GALK2: variants seen among roughly 807,000 people sequenced by gnomAD.
GALK2 encodes galactokinase 2.
A neutral mutation model predicts 52.4 loss-of-function variants in GALK2; 36 were observed. That is an observed-to-expected ratio of 0.69 (90% CI 0.53 to 0.91). The LOEUF (loss-of-function observed/expected upper bound fraction) is 0.91. Ranked by LOEUF, GALK2 falls within the 40% of genes least tolerant of loss-of-function variation. The pLI, the probability that GALK2 is intolerant of heterozygous loss-of-function variation, is 0.00. For missense variants in GALK2, 579 were observed against 559.1 expected, an observed-to-expected ratio of 1.04 and a Z score of -0.36; for synonymous variants, 176 against 199.1, an observed-to-expected ratio of 0.88 and a Z score of 0.98.
downstream of GALK2, among the ~76,000 whole-genome samples, chr15:49,333,569 A>G (rs1038430789): frequency 6.6e-6 from 1 of 152,208 alleles, no homozygotes; most frequent in Non-Finnish European, 1.5e-5. Context: ...AAGCTGGGTG[A>G]TAAAGTTTTT....
intron 5 of GALK2, among the ~76,000 whole-genome samples, chr15:49,276,660 C>T (rs981904557): frequency 3.9e-5 from 6 of 152,210 alleles, no homozygotes; most frequent in African/African-American, 1.2e-4. Context: ...AATAGACTCA[C>T]TCACATGTCT....
chr15:49,317,690 A>C (rs1327993649), intron 8 of GALK2, among the ~76,000 whole-genome samples: 2 of 152,246 alleles, frequency 1.3e-5, no homozygotes, highest in East Asian at 3.8e-4. Flanking sequence ...TTGGATAAAG[A>C]AAATGTGGCA....
chr15:49,163,868 C>A (rs72727230), intron 1 of GALK2, among the ~76,000 whole-genome samples: 13 of 152,250 alleles, frequency 8.5e-5, no homozygotes, highest in Non-Finnish European at 1.5e-4. Context: ...TCTTCACAGG[C>A]CTTGGCTGAG....
chr15:49,270,841 G>C (rs1349097968), intron 5 of GALK2, among the ~76,000 whole-genome samples: 3 of 152,104 alleles, frequency 2.0e-5, no homozygotes, highest in African/African-American at 7.2e-5. Flanking sequence ...ATTATGCTAG[G>C]GAAAGAAATA....
At chr15:49,303,179 C>T (rs989654263) in intron 8 of GALK2, among the ~76,000 whole-genome samples, 2 of 152,136 alleles carry the variant, frequency 1.3e-5, no homozygotes, top group Non-Finnish European at 2.9e-5. Flanking sequence ...TACCTGATAT[C>T]GCAGATAACC....
intron 5 of GALK2, among the ~76,000 whole-genome samples, chr15:49,276,491 C>T (rs1003851506): frequency 3.9e-5 from 6 of 152,310 alleles, no homozygotes; most frequent in Non-Finnish European, 7.3e-5. Context: ...TTGATAGCTA[C>T]TCCTTATTCT....
Position 49,331,741 on chromosome 15 carries a change from G to A in GALK2, c.*3582G>A. 8.1e-7 allele frequency: 1 copy of A among 1,240,030 alleles called. No homozygotes were observed. The highest frequency in any genetic ancestry group is 1.2e-6 in the Non-Finnish European group (1 of 839,712). The allele number at this position is 1,240,030 out of a possible 1,614,324, so 76.8% of individuals were successfully genotyped here. On this transcript the variant is annotated 3_prime_UTR_variant, in exon 10 of 10. Coordinates refer to ENST00000560031, the MANE Select transcript of GALK2 (RefSeq NM_002044.4). Reference sequence around the variant, plus strand: ...TGTCCAGTCTATATAAAAGAAGCTAGAGAGAGAATTCTCAATTATTTTCAG... The same window carrying A: ...TGTCCAGTCTATATAAAAGAAGCTAAAGAGAGAATTCTCAATTATTTTCAG...
intron 3 of GALK2, among the ~76,000 whole-genome samples, chr15:49,351,163 T>G (rs756934429): frequency 8.5e-5 from 13 of 152,206 alleles, no homozygotes; most frequent in Non-Finnish European, 1.5e-4. Context: ...ATTCAGGTAG[T>G]AGAGAAATAA....
At chr15:49,201,774 A>G (rs2087796352) in intron 2 of GALK2, among the ~76,000 whole-genome samples, 1 of 152,186 alleles carries the variant, frequency 6.6e-6, no homozygotes, top group Non-Finnish European at 1.5e-5. Flanking sequence ...CAATGTCCCT[A>G]TATATAATAA....
chr15:49,176,930 C>T (rs749546422), intron 1 of GALK2, among the ~76,000 whole-genome samples: 2 of 152,110 alleles, frequency 1.3e-5, no homozygotes, highest in Non-Finnish European at 2.9e-5. Flanking sequence ...AAGGTCCAAC[C>T]AACTTGTTGT....
chr15:49,190,042 TTC>T (rs1167401000), intron 1 of GALK2, among the ~76,000 whole-genome samples: 1 of 152,184 alleles, frequency 6.6e-6, no homozygotes, highest in Admixed American at 6.5e-5. Context: ...TCCTCAGCCT[TTC>T]TATGTGTTTT....
chr15:49,362,422 GA>G (rs2044400831), intron 3 of GALK2, among the ~76,000 whole-genome samples: 1 of 152,162 alleles, frequency 6.6e-6, no homozygotes, highest in African/African-American at 2.4e-5. Flanking sequence ...GCAGAACTGT[GA>G]GTCAGTTAAA....
intron 1 of GALK2, among the ~76,000 whole-genome samples, chr15:49,171,103 A>T (rs2085061765): frequency 9.6e-6 from 1 of 104,144 alleles, no homozygotes; most frequent in Non-Finnish European, 1.9e-5. Flanking sequence ...TTTTTTTGAG[A>T]CGGAGTTTTG....
intron 3 of GALK2, chr15:49,365,842 C>A: frequency 1.1e-6 from 1 of 887,018 alleles, no homozygotes; most frequent in South Asian, 1.3e-5. Context: ...GCTTTTGCCG[C>A]GACACTCAAT....
chr15:49,340,410 CCCT>C (rs2040521911), intron 3 of GALK2, among the ~76,000 whole-genome samples: 1 of 125,474 alleles, frequency 8.0e-6, no homozygotes, highest in African/African-American at 3.0e-5. Flanking sequence ...CCCGCCCCCC[CCCT>C]CCCCCCCCCG....
downstream of GALK2, among the ~76,000 whole-genome samples, chr15:49,336,694 T>C (rs1310906729): frequency 6.6e-6 from 1 of 152,252 alleles, no homozygotes; most frequent in East Asian, 1.9e-4. Flanking sequence ...TGGTAAGTAC[T>C]TTCTAAAAAA....
At chr15:49,193,279 T>C (rs929219299) in intron 1 of GALK2, among the ~76,000 whole-genome samples, 8 of 152,062 alleles carry the variant, frequency 5.3e-5, no homozygotes, top group African/African-American at 1.9e-4. Flanking sequence ...ATTACAGGCG[T>C]GAGCCACCAT....
At chr15:49,365,593 T>A (rs2045012159) in intron 3 of GALK2, 2 of 975,546 alleles carry the variant, frequency 2.1e-6, no homozygotes, top group Non-Finnish European at 3.3e-6. Context: ...ACTCTCACCA[T>A]TCTTTGTGAT....
intron 3 of GALK2, among the ~76,000 whole-genome samples, chr15:49,346,356 T>A (rs890399416): frequency 3.3e-5 from 5 of 152,196 alleles, no homozygotes; most frequent in African/African-American, 1.2e-4. Context: ...GAAGCCTGAC[T>A]ATGCTTGCAC....
Sources: allele counts gnomAD v4.1 joint callset (sites outside exome capture counted in the v4.1 genomes callset), GRCh38; gene constraint gnomAD v4.1.1; transcripts MANE v1.5; gene names NCBI Gene and HGNC (gene_info 2026-07-23, HGNC 2026-07-21).